The following BDH1 variants were observed in gnomAD, a reference collection of about 807,000 sequenced individuals.
BDH1 encodes D-beta-hydroxybutyrate dehydrogenase, mitochondrial.
Under a neutral mutation model 33.1 loss-of-function variants are expected in BDH1, and 30 were observed. The observed-to-expected ratio is 0.91, with a 90% CI of 0.68 to 1.23. BDH1 has a LOEUF of 1.23. BDH1 is among the 50% of genes most tolerant of loss of function. The pLI, the probability that BDH1 is intolerant of heterozygous loss-of-function variation, is 0.00. For missense variants in BDH1, 443 were observed against 464.4 expected, an observed-to-expected ratio of 0.95 and a Z score of 0.42; for synonymous variants, 190 against 183.6, an observed-to-expected ratio of 1.03 and a Z score of -0.28.
rs1055476876 is a variant in BDH1, at chr3:197,526,797, G to A, written c.268-4016C>T. ...CTCCTGTCTCAATCTCGGGCCTTTA[G>A]ACTTCTTCTGGTGGACATTAGCATC... On this transcript the variant is annotated intron_variant, in intron 5 of 7. Transcript: ENST00000392379. The surrounding 1 kb of genome is among the most constrained non-coding windows in gnomAD (Gnocchi z 4.7). Among the ~76,000 whole-genome samples, 3 of 152,192 alleles carry A rather than the reference G, an allele frequency of 2.0e-5. No individual in the cohort carries two copies. The highest frequency in any genetic ancestry group is 6.5e-5 in the Admixed American group (1 of 15,274).
intron 2 of BDH1, among the ~76,000 whole-genome samples, chr3:197,550,064 C>T (rs1041684608): frequency 6.6e-6 from 1 of 151,614 alleles, no homozygotes; most frequent in African/African-American, 2.4e-5. Context: ...GTGGGAGCTT[C>T]CTTGAGGTCA....
In BDH1 at chr3:197,526,692, G is replaced by T. The variant is rs1282447651; in HGVS notation, c.268-3911C>A. ...CAGCTCTCTCCACTGTCCACACAGG[G>T]CCAGGCAACTGTTTCCTGCCCAGGT... On this transcript the variant is annotated intron_variant, in intron 5 of 7. Coordinates refer to ENST00000392379, the MANE Select transcript of BDH1 (RefSeq NM_203314.3). This position sits in a 1 kb window ranked among gnomAD's most constrained non-coding sequence, Gnocchi z 4.7. Among the ~76,000 whole-genome samples the T allele has an allele frequency of 1.3e-5, 2 of 152,146 alleles. No individual in the cohort carries two copies. Among genetic ancestry groups the T allele is most frequent in the African/African-American group, 4.8e-5 (2 of 41,404 alleles).
At chr3:197,541,187 T>C (rs936876138) in intron 3 of BDH1, among the ~76,000 whole-genome samples, 2 of 152,208 alleles carry the variant, frequency 1.3e-5, no homozygotes, top group Non-Finnish European at 2.9e-5. Flanking sequence ...TAACAAGCAC[T>C]TGGGGAGCTT....
intron 6 of BDH1, among the ~76,000 whole-genome samples, chr3:197,517,182 C>A (rs1712827650): frequency 1.3e-5 from 2 of 151,906 alleles, no homozygotes; most frequent in African/African-American, 4.8e-5. Flanking sequence ...TCCGTCTTCA[C>A]CCCACCCCTC....
intron 3 of BDH1, among the ~76,000 whole-genome samples, chr3:197,540,377 A>G (rs1229836243): frequency 6.7e-6 from 1 of 149,424 alleles, no homozygotes; most frequent in African/African-American, 2.5e-5. Flanking sequence ...TAAAAGTAAC[A>G]AAAAGGTTGT....
chr3:197,515,892 G>GCA (rs539632668), intron 6 of BDH1: 2,739 of 152,068 alleles, frequency 0.018, 38 homozygotes, highest in African/African-American at 0.026. Flanking sequence ...GACAGAGCAC[G>GCA]CACACACACA....
At chr3:197,567,332 G>C (rs1484776416) in intron 1 of BDH1, among the ~76,000 whole-genome samples, 1 of 152,172 alleles carries the variant, frequency 6.6e-6, no homozygotes, top group African/African-American at 2.4e-5. Flanking sequence ...GAACTGCTTA[G>C]GGCCAACCTG....
intron 6 of BDH1, among the ~76,000 whole-genome samples, chr3:197,517,232 TC>T (rs568404642): frequency 8.5e-6 from 1 of 118,266 alleles, no homozygotes; most frequent in Non-Finnish European, 1.7e-5. Flanking sequence ...ATGGTCTCCA[TC>T]CCCCCTCAGG....
intron 5 of BDH1, among the ~76,000 whole-genome samples, chr3:197,527,377 G>A (rs187290852): frequency 1.3e-5 from 2 of 152,312 alleles, no homozygotes; most frequent in East Asian, 3.9e-4. Context: ...AATGGGGGCT[G>A]TTGATATCCT....
intron 2 of BDH1, among the ~76,000 whole-genome samples, chr3:197,550,793 C>A (rs1461278086): frequency 1.3e-5 from 2 of 152,170 alleles, no homozygotes; most frequent in Non-Finnish European, 2.9e-5. Flanking sequence ...CAGCCGCCTC[C>A]CATCTGCCCC....
intron 3 of BDH1, among the ~76,000 whole-genome samples, chr3:197,544,699 A>G (rs1029397738): frequency 6.6e-6 from 1 of 152,198 alleles, no homozygotes; most frequent in African/African-American, 2.4e-5. Context: ...TGGGGTCCTC[A>G]GGTAGGTGGA....
intron 3 of BDH1, 102 bp from the exon 4 acceptor site, chr3:197,533,663 G>T: frequency 8.7e-7 from 1 of 1,146,668 alleles, no homozygotes; most frequent in Non-Finnish European, 1.3e-6. Context: ...CCCGGCTCCT[G>T]GAGACAGCTT....
intron 1 of BDH1, among the ~76,000 whole-genome samples, chr3:197,564,218 A>G (rs1717358948): frequency 6.6e-6 from 1 of 152,166 alleles, no homozygotes; most frequent in Non-Finnish European, 1.5e-5. Flanking sequence ...GTCCTAGAGT[A>G]AAATGACTGG....
At chr3:197,544,973 G>A (rs1432048154) in intron 3 of BDH1, among the ~76,000 whole-genome samples, 13 of 152,170 alleles carry the variant, frequency 8.5e-5, no homozygotes, top group African/African-American at 1.9e-4. Context: ...GCTTGAACCC[G>A]GGAGGCAGAG....
intron 3 of BDH1, among the ~76,000 whole-genome samples, chr3:197,542,377 G>A (rs1715707155): frequency 6.6e-6 from 1 of 152,164 alleles, no homozygotes; most frequent in South Asian, 2.1e-4. Context: ...TTTCCCTGGA[G>A]GGTCTCCTCT....
chr3:197,515,548 C>T (rs1021544540), intron 6 of BDH1: 2 of 985,594 alleles, frequency 2.0e-6, no homozygotes, highest in African/African-American at 3.5e-5. Flanking sequence ...ATCCTTCTCT[C>T]TCTTTTACAC....
intron 1 of BDH1, among the ~76,000 whole-genome samples, chr3:197,568,651 G>T (rs1475012320): frequency 6.6e-6 from 1 of 151,958 alleles, no homozygotes; most frequent in African/African-American, 2.4e-5. Flanking sequence ...TTGAGTGTTT[G>T]TTTAAGCACA....
chr3:197,519,153 G>T (rs78057678), intron 6 of BDH1, among the ~76,000 whole-genome samples: 6,498 of 151,858 alleles, frequency 0.043, 197 homozygotes, highest in Non-Finnish European at 0.06. Context: ...AGCATGGTAG[G>T]CCAGGCCTTT....
chr3:197,520,309 C>T lies in BDH1; in HGVS notation c.409+2331G>A, dbSNP rs1263622742. ...TTTCCAAAAAAAAAAAATGCAGTAT[C>T]GGTTAAGGAAGTTGATGGTGAGAGG... On this transcript the variant is annotated intron_variant, in intron 6 of 7. Transcript: ENST00000392379. The surrounding 1 kb of genome is among the most constrained non-coding windows in gnomAD (Gnocchi z 6.0). Among the ~76,000 whole-genome samples, 1 of 151,854 alleles carries T rather than the reference C, an allele frequency of 6.6e-6. No individual in the cohort carries two copies. The highest frequency in any genetic ancestry group is 1.5e-5 in the Non-Finnish European group (1 of 67,970).
Sources: gnomAD v4.1 joint callset for allele counts (sites outside exome capture counted in the v4.1 genomes callset) on GRCh38, gnomAD v4.1.1 for gene constraint, Gnocchi (gnomAD v3.1) non-coding constraint, MANE v1.5 for transcripts, NCBI Gene and HGNC (gene_info 2026-07-23, HGNC 2026-07-21) for gene names.